DLC1: variants seen among roughly 807,000 people sequenced by gnomAD.
DLC1 encodes the protein DLC1 Rho GTPase activating protein, also known as rho GTPase-activating protein 7.
DLC1 carries 54 observed loss-of-function variants against 140.3 expected under a neutral mutation model. The observed-to-expected ratio is 0.38, with a 90% CI of 0.31 to 0.48. The LOEUF (loss-of-function observed/expected upper bound fraction) is 0.48. DLC1 is among the 20% of genes least tolerant of loss of function. DLC1 has a pLI of 0.96. For synonymous variants in DLC1, 986 were observed against 728.1 expected (o/e 1.35, Z -5.70); for missense variants, 2,536 against 1,907.0 (o/e 1.33, Z -6.14).
intron 5 of DLC1, among the ~76,000 whole-genome samples, chr8:13,143,008 G>A (rs1172189446): frequency 1.4e-5 from 2 of 147,076 alleles, no homozygotes; most frequent in African/African-American, 2.5e-5. Context: ...GTGCCGTTGC[G>A]CTCCAGCCTG....
intron 4 of DLC1, among the ~76,000 whole-genome samples, chr8:13,327,572 A>G (rs11783481): frequency 0.078 from 11,762 of 151,216 alleles, 908 homozygotes; most frequent in East Asian, 0.37. Context: ...CTCCTGTCTC[A>G]GGTTCTCATT....
intron 4 of DLC1, among the ~76,000 whole-genome samples, chr8:13,318,150 C>T (rs1832930830): frequency 6.6e-6 from 1 of 151,984 alleles, no homozygotes; most frequent in Non-Finnish European, 1.5e-5. Flanking sequence ...GCCTCAGTCT[C>T]CTGAGTAGCT....
At chr8:13,480,952 G>T (rs898654845) in intron 2 of DLC1, among the ~76,000 whole-genome samples, 2 of 152,114 alleles carry the variant, frequency 1.3e-5, no homozygotes, top group Non-Finnish European at 2.9e-5. Flanking sequence ...CTGAGCTGCA[G>T]TGTAGAATAT....
At chr8:13,176,800 A>T (rs1213327021) in intron 5 of DLC1, among the ~76,000 whole-genome samples, 3 of 152,192 alleles carry the variant, frequency 2.0e-5, no homozygotes, top group Non-Finnish European at 4.4e-5. Flanking sequence ...ATTGTCCTGG[A>T]TTATCTAGGT....
intron 5 of DLC1, among the ~76,000 whole-genome samples, chr8:13,135,509 C>T (rs1358078872): frequency 6.6e-6 from 1 of 151,946 alleles, no homozygotes; most frequent in East Asian, 1.9e-4. Flanking sequence ...AAGAACGCAT[C>T]CCGTGATTGG....
intron 5 of DLC1, among the ~76,000 whole-genome samples, chr8:13,166,910 T>G (rs965880976): frequency 6.6e-6 from 1 of 152,070 alleles, no homozygotes; most frequent in Non-Finnish European, 1.5e-5. Context: ...AAATACCTTA[T>G]TTTTTTGGAG....
intron 1 of DLC1, among the ~76,000 whole-genome samples, chr8:13,562,057 G>A (rs1382668834): frequency 6.6e-6 from 1 of 151,882 alleles, no homozygotes; most frequent in Non-Finnish European, 1.5e-5. Flanking sequence ...ATAGAACAGG[G>A]GATTCTGCAC....
intron 3 of DLC1, among the ~76,000 whole-genome samples, chr8:13,395,027 TATCTATCATCTATCTATCTATCTATTA>T: frequency 1.1e-5 from 1 of 90,240 alleles, no homozygotes; most frequent in African/African-American, 5.9e-5. Context: ...TCTATCTATC[TATCTATCATCTATCTATCTATCTATTA>T]GGTACCTATC....
In DLC1 at chr8:13,499,788, T is replaced by C. The variant is rs1184299388; in HGVS notation, c.284A>G (p.Asp95Gly). The change falls in exon 2 of 18, where the codon GAT becomes GGT. Residue 95 changes from aspartate (D) to glycine (G), a missense_variant. Physicochemically the swap from Asp to Gly is moderately conservative, Grantham distance 94 (BLOSUM62 -1). Coordinates refer to ENST00000276297, the MANE Select transcript of DLC1 (RefSeq NM_182643.3). ...GCTGGCTTCCAGAGAAAGAAACTGA[T>C]CTTCACCTTCATGGCTGTCATTTTC... ...VDENDSHEGE[D>G]QFLSLEASTE... The C allele has an allele frequency of 3.7e-6, 6 of 1,614,036 alleles. No homozygotes were observed. The highest frequency in any genetic ancestry group is 5.1e-6 in the Non-Finnish European group (6 of 1,180,006).
At chr8:13,441,109 A>G (rs1798489108) in intron 2 of DLC1, among the ~76,000 whole-genome samples, 1 of 152,230 alleles carries the variant, frequency 6.6e-6, no homozygotes. Flanking sequence ...CATCATCAAT[A>G]CATTTAAAAC....
chr8:13,210,112 T>A (rs1467464798), intron 5 of DLC1, among the ~76,000 whole-genome samples: 2 of 152,182 alleles, frequency 1.3e-5, no homozygotes, highest in African/African-American at 2.4e-5. Flanking sequence ...TATAGTTAAA[T>A]GCTACTGGAG....
intron 5 of DLC1, among the ~76,000 whole-genome samples, chr8:13,125,242 G>A (rs1288316139): frequency 2.6e-5 from 4 of 152,138 alleles, no homozygotes; most frequent in African/African-American, 9.7e-5. Flanking sequence ...CTCCCAAAGT[G>A]CTGGGATTAC....
intron 1 of DLC1, among the ~76,000 whole-genome samples, chr8:13,594,458 G>A (rs1402562691): frequency 6.6e-6 from 1 of 151,956 alleles, no homozygotes; most frequent in African/African-American, 2.4e-5. Flanking sequence ...CATTTTATTG[G>A]ATTCTCCCAC....
At chr8:13,095,456 A>T in intron 10 of DLC1, 1 of 601,248 alleles carries the variant, frequency 1.7e-6, no homozygotes, top group South Asian at 2.0e-5. Context: ...CTCAGTACCT[A>T]CTGTATTGGC....
At chr8:13,331,114 C>T (rs540556911) in intron 4 of DLC1, among the ~76,000 whole-genome samples, 2 of 152,302 alleles carry the variant, frequency 1.3e-5, no homozygotes, top group African/African-American at 4.8e-5. Flanking sequence ...TTCCTGGTCT[C>T]TTATTGCAGC....
At chr8:13,405,973 C>CTTTCT (rs60822487) in intron 2 of DLC1, among the ~76,000 whole-genome samples, 1 of 71,266 alleles carries the variant, frequency 1.4e-5, no homozygotes, top group Non-Finnish European at 3.1e-5. Flanking sequence ...TTCTTTCTTT[C>CTTTCT]ATCTCTCTCT....
chr8:13,551,239 A>T (rs899451529), intron 1 of DLC1, among the ~76,000 whole-genome samples: 1 of 152,112 alleles, frequency 6.6e-6, no homozygotes, highest in Non-Finnish European at 1.5e-5. Context: ...CAAAACAAAG[A>T]ATGTAGCTTT....
chr8:13,366,463 A>T (rs1365398527), intron 4 of DLC1, among the ~76,000 whole-genome samples: 1 of 152,194 alleles, frequency 6.6e-6, no homozygotes, highest in Non-Finnish European at 1.5e-5. Context: ...TATGGTTAAC[A>T]CTATGAGTGA....
chr8:13,414,958 G>A (rs1217498151), intron 2 of DLC1, among the ~76,000 whole-genome samples: 1 of 151,916 alleles, frequency 6.6e-6, no homozygotes, highest in African/African-American at 2.4e-5. Flanking sequence ...TTACAGGCGT[G>A]CGCCACCATG....
Sources: allele counts gnomAD v4.1 joint callset (sites outside exome capture counted in the v4.1 genomes callset), GRCh38; gene constraint gnomAD v4.1.1; transcripts MANE v1.5; gene names NCBI Gene and HGNC (gene_info 2026-07-23, HGNC 2026-07-21).